The following COL4A6 variants were observed in gnomAD, a reference collection of about 807,000 sequenced individuals.
The protein encoded by COL4A6 is collagen type IV alpha 6 chain.
Under a neutral mutation model 126.7 loss-of-function variants are expected in COL4A6, and 59 were observed. That is an observed-to-expected ratio of 0.47 (90% confidence interval 0.38 to 0.58). COL4A6 has a LOEUF of 0.58. COL4A6 is among the 20% of genes least tolerant of loss of function. The pLI, the probability that COL4A6 is intolerant of heterozygous loss-of-function variation, is 0.00. For synonymous variants in COL4A6, 547 were observed against 496.6 expected (o/e 1.10, Z -1.35); for missense variants, 1,285 against 1,337.3 (o/e 0.96, Z 0.61).
At chrX:108,168,457 C>T (rs1470760575) in intron 37 of COL4A6, among the ~76,000 whole-genome samples, 1 of 112,392 alleles carries the variant, frequency 8.9e-6, no homozygotes, top group Non-Finnish European at 1.9e-5. Flanking sequence ...AACATACACA[C>T]TGTACACAAA....
At chrX:108,184,356 G>T (rs772875480) in intron 23 of COL4A6, among the ~76,000 whole-genome samples, 1 of 112,286 alleles carries the variant, frequency 8.9e-6, no homozygotes, top group South Asian at 3.8e-4. Flanking sequence ...AATATGATTT[G>T]TCTCCACCAA....
In COL4A6 at chrX:108,200,040, T is replaced by G. The variant is rs374279231; in HGVS notation, c.834+2888A>C. On this transcript the variant is annotated intron_variant, in intron 13 of 44. Coordinates refer to ENST00000334504, the MANE Select transcript of COL4A6 (RefSeq NM_033641.4). ...ATAAGCCTGGCTCACCTTGCTTACC[T>G]CACAGGGACAATGCCAGGTGGCTAG... 7.1e-5 allele frequency among the ~76,000 whole-genome samples: 8 copies of G among 112,092 alleles called. No individual in the cohort carries two copies. In the South Asian group the frequency reaches 1.9e-3, roughly 26 times the overall value.
At chrX:108,247,442 C>G (rs1487153897) in intron 3 of COL4A6, among the ~76,000 whole-genome samples, 1 of 110,642 alleles carries the variant, frequency 9.0e-6, no homozygotes, top group African/African-American at 3.3e-5. Context: ...GTCTCCTATC[C>G]AATTATTCTC....
At chrX:108,324,680 A>T (rs1051656100) in intron 2 of COL4A6, among the ~76,000 whole-genome samples, 1 of 112,346 alleles carries the variant, frequency 8.9e-6, no homozygotes. Context: ...TGTGATTCAA[A>T]CAACAAATTC....
At chrX:108,412,163 C>T (rs2041345345) in intron 2 of COL4A6, among the ~76,000 whole-genome samples, 1 of 111,694 alleles carries the variant, frequency 9.0e-6, no homozygotes, top group South Asian at 3.8e-4. Context: ...AAAATGCCTG[C>T]TCAATAAAAG....
Position 108,247,705 on chromosome X carries a change from T to C in COL4A6, c.145-26331A>G, listed in dbSNP as rs186870394. 4.5e-4 allele frequency among the ~76,000 whole-genome samples: 50 copies of C among 111,766 alleles called. No homozygotes were observed. The East Asian group carries it at 8.8e-3, about 20-fold the overall frequency. ...TTACATAGCATTTGCATTTCCGGCA[T>C]GAAGTTTTGAAATAGCCTATTAACT... On this transcript the variant is annotated intron_variant, in intron 3 of 44. Transcript: ENST00000334504.
rs1254683674 is a variant in COL4A6, at chrX:108,275,801, C to T, written c.144+34947G>A. Among the ~76,000 whole-genome samples, 4 of 113,133 alleles carry T rather than the reference C, an allele frequency of 3.5e-5. No individual in the cohort carries two copies. In the Admixed American group the frequency reaches 3.7e-4, roughly 11 times the overall value. ...CGAAACCCAAATGAAAGCACATATG[C>T]CTTCAGGAGGAAATCAATCGTGTGG... is the stretch of plus-strand genomic sequence containing the variant. On this transcript the variant is annotated intron_variant, in intron 3 of 44. Coordinates refer to ENST00000334504, the MANE Select transcript of COL4A6 (RefSeq NM_033641.4).
At chrX:108,407,136 G>A (rs777935930) in intron 2 of COL4A6, among the ~76,000 whole-genome samples, 7 of 112,149 alleles carry the variant, frequency 6.2e-5, no homozygotes, top group Non-Finnish European at 9.4e-5. Flanking sequence ...GTAATAGAAC[G>A]GCTTTGTTAT....
chrX:108,406,011 AGGCTG>A (rs113459870), intron 2 of COL4A6, among the ~76,000 whole-genome samples: 137 of 111,536 alleles, frequency 1.2e-3, no homozygotes, highest in African/African-American at 4.0e-3. Context: ...TGTGTTGCCC[AGGCTG>A]GAGCACAGAG....
In COL4A6 at chrX:108,172,346, C is replaced by A. The variant is rs188232078; in HGVS notation, c.3202+123G>T. Reference sequence around the variant, plus strand: ...GCCTAGGTGACACTAGGTGACAGAGCGAGACTCTGCCTAAAAAAGAAAAAA... The same window carrying A: ...GCCTAGGTGACACTAGGTGACAGAGAGAGACTCTGCCTAAAAAAGAAAAAA... On this transcript the variant is annotated intron_variant, in intron 32 of 44. Transcript: ENST00000334504. The A allele has an allele frequency of 1.9e-3, 759 of 401,448 alleles. 8 individuals carry two copies. In the African/African-American group the frequency reaches 0.026, roughly 14 times the overall value. 33.1% of individuals were successfully genotyped at this position (401,448 alleles called of 1,213,427 possible).
intron 2 of COL4A6, among the ~76,000 whole-genome samples, chrX:108,327,030 G>A (rs768060830): frequency 3.6e-5 from 4 of 110,743 alleles, no homozygotes; most frequent in Admixed American, 1.9e-4. Context: ...GAAAATATTC[G>A]CATATCACAT....
intron 3 of COL4A6, among the ~76,000 whole-genome samples, chrX:108,258,982 T>C (rs769078426): frequency 9.0e-6 from 1 of 111,529 alleles, no homozygotes; most frequent in Non-Finnish European, 1.9e-5. Flanking sequence ...GTGATATCAA[T>C]GTTAGTACAC....
intron 3 of COL4A6, among the ~76,000 whole-genome samples, chrX:108,281,825 C>T (rs141749427): frequency 0.014 from 1,492 of 110,283 alleles, 63 homozygotes; most frequent in East Asian, 0.13. Context: ...ACAACAGAGC[C>T]CTCAGAAATA....
intron 2 of COL4A6, among the ~76,000 whole-genome samples, chrX:108,377,071 A>G (rs1254026271): frequency 8.9e-6 from 1 of 112,799 alleles, no homozygotes; most frequent in Non-Finnish European, 1.9e-5. Flanking sequence ...CGTTTCCCGG[A>G]GAGGGGGATG....
chrX:108,403,784 T>A (rs1280736521), intron 2 of COL4A6, among the ~76,000 whole-genome samples: 1 of 111,813 alleles, frequency 8.9e-6, no homozygotes, highest in Non-Finnish European at 1.9e-5. Context: ...TGATTCCTGT[T>A]TATGGTGACT....
intron 3 of COL4A6, among the ~76,000 whole-genome samples, chrX:108,271,475 G>T (rs1176732435): frequency 8.9e-6 from 1 of 112,127 alleles, no homozygotes; most frequent in Non-Finnish European, 1.9e-5. Flanking sequence ...GTAAATATGA[G>T]TGCAGGCAGG....
At chrX:108,422,002 A>C (rs928737030) in intron 2 of COL4A6, among the ~76,000 whole-genome samples, 5 of 112,439 alleles carry the variant, frequency 4.4e-5, no homozygotes, top group Non-Finnish European at 9.4e-5. Flanking sequence ...ATAGCATAAC[A>C]TCTTTGTTTG....
intron 3 of COL4A6, among the ~76,000 whole-genome samples, chrX:108,241,947 G>A (rs1486439560): frequency 9.3e-6 from 1 of 107,813 alleles, no homozygotes; most frequent in Non-Finnish European, 1.9e-5. Context: ...AATTAACATT[G>A]GTAGATACTA....
At position 108,214,347 on chromosome X, in the gene COL4A6, A is replaced by G. The variant is rs868497969; in HGVS notation, c.325-119T>C. On this transcript the variant is annotated intron_variant, in intron 5 of 44. Coordinates refer to ENST00000334504, the MANE Select transcript of COL4A6 (RefSeq NM_033641.4). Reference sequence around the variant, plus strand: ...ACTGTGGCTCCTTGTTCACTCCCTTAGCCCCATCATGTATGTTTGCATGTC... The same window carrying G: ...ACTGTGGCTCCTTGTTCACTCCCTTGGCCCCATCATGTATGTTTGCATGTC... 181 of 493,533 alleles carry G rather than the reference A, an allele frequency of 3.7e-4. No homozygotes were observed. The African/African-American group carries it at 3.8e-3, about 10-fold the overall frequency. 40.7% of individuals were successfully genotyped at this position (493,533 alleles called of 1,213,427 possible). A position where few individuals can be genotyped will look rare whatever the true frequency, so the allele number is the denominator to read the frequency against.
Sources: allele counts gnomAD v4.1 joint callset (sites outside exome capture counted in the v4.1 genomes callset), GRCh38; gene constraint gnomAD v4.1.1; transcripts MANE v1.5; gene names NCBI Gene and HGNC (gene_info 2026-07-23, HGNC 2026-07-21).